ARHGAP39: variants seen among roughly 807,000 people sequenced by gnomAD.
ARHGAP39 encodes the protein Rho GTPase activating protein 39, also known as rho GTPase-activating protein 39.
ARHGAP39 carries 44 observed loss-of-function variants against 106.9 expected under a neutral mutation model. That is an observed-to-expected ratio of 0.41 (90% CI 0.32 to 0.53). The LOEUF is 0.53. Among genes scored for constraint, ARHGAP39 ranks in the 20% least tolerant of loss-of-function variants. The pLI is 0.21. For missense variants in ARHGAP39, 1,496 were observed against 1,577.3 expected, an observed-to-expected ratio of 0.95 and a Z score of 0.87; for synonymous variants, 768 against 693.2, an observed-to-expected ratio of 1.11 and a Z score of -1.69.
intron 1 of ARHGAP39, among the ~76,000 whole-genome samples, chr8:144,613,113 C>G (rs1563708285): frequency 6.6e-6 from 1 of 152,204 alleles, no homozygotes; most frequent in Non-Finnish European, 1.5e-5. Flanking sequence ...AACGGCTATT[C>G]TACCACTTCA....
At position 144,577,987 on chromosome 8, in the gene ARHGAP39, C is replaced by CT. The variant is rs975847451; in HGVS notation, c.512+2858dup. Among the ~76,000 whole-genome samples, 11 of 151,360 alleles carry CT rather than the reference C, an allele frequency of 7.3e-5. No homozygotes were observed. The South Asian group carries it at 1.0e-3, about 14-fold the overall frequency. ...CCACACAGATCCAAAATTCCAAAAG[C>CT]TTTTTTTTTGTTGTTGTTAAAAGAA... On this transcript the variant is annotated intron_variant, in intron 3 of 11. Transcript: ENST00000377307.
chr8:144,537,188 G>C (rs1314997665), intron 7 of ARHGAP39, among the ~76,000 whole-genome samples: 1 of 152,076 alleles, frequency 6.6e-6, no homozygotes, highest in African/African-American at 2.4e-5. Flanking sequence ...TGGGTGGGAA[G>C]GGTGCTGGTG....
intron 1 of ARHGAP39, among the ~76,000 whole-genome samples, chr8:144,639,118 G>A (rs1019780672): frequency 3.3e-5 from 5 of 152,170 alleles, no homozygotes; most frequent in Non-Finnish European, 7.3e-5. Flanking sequence ...CTTGAGGTCA[G>A]GAGTTTGAGA....
chr8:144,593,789 C>T (rs377641981), intron 2 of ARHGAP39, among the ~76,000 whole-genome samples: 1 of 151,600 alleles, frequency 6.6e-6, no homozygotes, highest in Non-Finnish European at 1.5e-5. Context: ...GATCCTGTCT[C>T]GAAAAGAAAA....
At chr8:144,562,264 G>T (rs1414148961) in intron 3 of ARHGAP39, among the ~76,000 whole-genome samples, 7 of 66,226 alleles carry the variant, frequency 1.1e-4, no homozygotes, top group Admixed American at 2.2e-4. Context: ...GGTTTCCATC[G>T]TGCTCCAGTG....
chr8:144,534,174 G>C lies in ARHGAP39; in HGVS notation c.2643C>G (p.Tyr881Ter). 6.2e-7 allele frequency: 1 copy of C among 1,613,476 alleles called. No homozygotes were observed. Among genetic ancestry groups the C allele is most frequent in the Non-Finnish European group, 8.5e-7 (1 of 1,179,838 alleles). ...DGVAISTYAK[Y>*]CYHKLQKAAL... ...CTGCCTTCTGTAGCTTGTGGTAACA[G>C]TACTTGGCATACGTGCTTATCGCCA... is the stretch of plus-strand genomic sequence containing the variant. Residue 881 changes from tyrosine (Y) to a stop codon, truncating the protein, a stop_gained, in exon 8 of 12, where the codon TAC becomes TAG. Transcript: ENST00000377307. LOFTEE classifies it high-confidence loss of function.
In ARHGAP39 at chr8:144,624,125, C is replaced by T. The variant is rs150548962; in HGVS notation, c.-81-18430G>A. ...TCCCGAAGAGAAGCTTCCTTACGCT[C>T]GTGCTAAATCAGCCAGGAGCCATAC... is the stretch of plus-strand genomic sequence containing the variant. On this transcript the variant is annotated intron_variant, in intron 1 of 11. Transcript: ENST00000377307. Among the ~76,000 whole-genome samples the T allele has an allele frequency of 6.4e-4, 98 of 152,304 alleles. 1 individual carries two copies. The highest frequency in any genetic ancestry group is 2.3e-3 in the African/African-American group (94 of 41,568).
intron 2 of ARHGAP39, among the ~76,000 whole-genome samples, chr8:144,594,622 A>T (rs989249107): frequency 2.0e-5 from 3 of 150,424 alleles, no homozygotes; most frequent in East Asian, 4.0e-4. Flanking sequence ...CGAACCCGGG[A>T]GGCGGATGTT....
chr8:144,635,567 G>T (rs538916616), intron 1 of ARHGAP39, among the ~76,000 whole-genome samples: 11 of 152,324 alleles, frequency 7.2e-5, no homozygotes, highest in South Asian at 2.1e-4. Context: ...ACCCAAGGAG[G>T]GGGTGTGGGA....
At chr8:144,657,213 TAAATA>T (rs1443998062) in intron 1 of ARHGAP39, among the ~76,000 whole-genome samples, 2 of 144,358 alleles carry the variant, frequency 1.4e-5, no homozygotes, top group Non-Finnish European at 3.1e-5. Context: ...CTGAAAAAAA[TAAATA>T]AAATAAAATA....
At chr8:144,690,073 G>A (rs953974484), upstream of ARHGAP39, among the ~76,000 whole-genome samples, 6 of 151,266 alleles carry the variant, frequency 4.0e-5, no homozygotes, top group South Asian at 2.1e-4. Context: ...AGAAACCACC[G>A]AACTCTTTTT....
At position 144,641,777 on chromosome 8, in the gene ARHGAP39, C is replaced by T. The variant is rs1465315489; in HGVS notation, c.-81-36082G>A. 1.3e-5 allele frequency among the ~76,000 whole-genome samples: 2 copies of T among 152,242 alleles called. No individual in the cohort carries two copies. The highest frequency in any genetic ancestry group is 2.9e-5 in the Non-Finnish European group (2 of 68,044). ...TGGCCCCACAGGTACCCAAGAGTGT[C>T]CTCTGAAGCCAGTGCATTTACCCAT... On this transcript the variant is annotated intron_variant, in intron 1 of 11. Transcript: ENST00000377307. This position sits in a 1 kb window ranked among gnomAD's most constrained non-coding sequence, Gnocchi z 5.2.
Position 144,564,371 on chromosome 8 carries a change from A to G in ARHGAP39, c.513-8728T>C, listed in dbSNP as rs532749429. 7.2e-5 allele frequency among the ~76,000 whole-genome samples: 11 copies of G among 152,258 alleles called. No individual in the cohort carries two copies. The East Asian group carries it at 1.9e-3, about 27-fold the overall frequency. ...GCCACTTGGTGCTTCCCCTGCTGGG[A>G]TGGCTTCCCCTCATATATCAACAAC... On this transcript the variant is annotated intron_variant, in intron 3 of 11. Coordinates refer to ENST00000377307, the MANE Select transcript of ARHGAP39 (RefSeq NM_025251.3).
intron 1 of ARHGAP39, among the ~76,000 whole-genome samples, chr8:144,669,875 T>C (rs1187705488): frequency 2.0e-5 from 3 of 152,224 alleles, no homozygotes; most frequent in Admixed American, 6.5e-5. Context: ...TCACAAGTAT[T>C]GTCAAGGATG....
chr8:144,661,016 C>A (rs541549628), intron 1 of ARHGAP39, among the ~76,000 whole-genome samples: 2 of 152,134 alleles, frequency 1.3e-5, no homozygotes, highest in Non-Finnish European at 2.9e-5. Flanking sequence ...GCACACGACT[C>A]TGTAGTCCCA....
chr8:144,658,736 C>T (rs548133667), intron 1 of ARHGAP39, among the ~76,000 whole-genome samples: 5 of 151,968 alleles, frequency 3.3e-5, no homozygotes, highest in African/African-American at 9.7e-5. Context: ...GACACATTAC[C>T]GGAGGTCCTA....
intron 7 of ARHGAP39, among the ~76,000 whole-genome samples, chr8:144,536,198 T>C (rs1029166413): frequency 6.6e-6 from 1 of 152,132 alleles, no homozygotes; most frequent in Non-Finnish European, 1.5e-5. Flanking sequence ...CCTCCGGCTG[T>C]AGGCAAGCCC....
chr8:144,583,896 G>A (rs992296742), intron 2 of ARHGAP39: 2 of 152,176 alleles, frequency 1.3e-5, no homozygotes, highest in African/African-American at 4.8e-5. Context: ...AAGTGTTAAG[G>A]ATTTAGTGGG....
chr8:144,562,898 AGTGGTTTC>A (rs1289198436), intron 3 of ARHGAP39, among the ~76,000 whole-genome samples: 11 of 152,264 alleles, frequency 7.2e-5, no homozygotes, highest in Non-Finnish European at 1.5e-4. Flanking sequence ...ATCGGACTCC[AGTGGTTTC>A]CTTGGCTCTT....
Sources: gnomAD v4.1 joint callset for allele counts (sites outside exome capture counted in the v4.1 genomes callset) on GRCh38, gnomAD v4.1.1 for gene constraint, Gnocchi (gnomAD v3.1) non-coding constraint, MANE v1.5 for transcripts, NCBI Gene and HGNC (gene_info 2026-07-23, HGNC 2026-07-21) for gene names.